Variants in SOX6 observed in about 807,000 individuals in gnomAD.
SOX6 encodes SRY-box transcription factor 6, also known as transcription factor SOX-6.
SOX6 carries 11 observed loss-of-function variants against 97.8 expected under a neutral mutation model. The ratio of observed to expected loss-of-function variants is 0.11; its 90% CI spans 0.07 to 0.19. The LOEUF is 0.19. Ranked by LOEUF, SOX6 falls within the 10% of genes least tolerant of loss-of-function variation. The probability of loss-of-function intolerance (pLI) is 1.00; values close to 1 mark genes in which losing one functional copy is unlikely to be tolerated. For synonymous variants in SOX6, 360 were observed against 371.4 expected, an observed-to-expected ratio of 0.97 and a Z score of 0.35; for missense variants, 810 against 1,039.5, an observed-to-expected ratio of 0.78 and a Z score of 3.04.
chr11:16,635,197 C>G (rs536632352), intron 3 of SOX6, among the ~76,000 whole-genome samples: 1 of 152,260 alleles, frequency 6.6e-6, no homozygotes, highest in African/African-American at 2.4e-5. Flanking sequence ...GGGTAACAGG[C>G]AGAGGTTAGA....
At chr11:16,321,546 C>T (rs1428530923) in intron 2 of SOX6, among the ~76,000 whole-genome samples, 1 of 152,004 alleles carries the variant, frequency 6.6e-6, no homozygotes, top group Non-Finnish European at 1.5e-5. Context: ...ACTTGTTGGA[C>T]TATGTTACTT....
intron 3 of SOX6, among the ~76,000 whole-genome samples, chr11:16,244,485 TTCTC>T (rs1455148145): frequency 1.3e-5 from 2 of 151,910 alleles, no homozygotes; most frequent in African/African-American, 2.4e-5. Flanking sequence ...ATTTTCTGGA[TTCTC>T]TCTATGAAAT....
chr11:16,538,710 G>T (rs1861352595), intron 4 of SOX6, among the ~76,000 whole-genome samples: 1 of 152,080 alleles, frequency 6.6e-6, no homozygotes, highest in African/African-American at 2.4e-5. Flanking sequence ...AACCAACAAA[G>T]ATCAAAAGAG....
At chr11:16,514,540 G>GT (rs894367792) in intron 4 of SOX6, among the ~76,000 whole-genome samples, 78 of 148,816 alleles carry the variant, frequency 5.2e-4, no homozygotes, top group Non-Finnish European at 8.4e-4. Flanking sequence ...TTGTGTCAGA[G>GT]TTTTTTTTTT....
chr11:16,327,715 A>G (rs889875391), intron 2 of SOX6, among the ~76,000 whole-genome samples: 5 of 152,134 alleles, frequency 3.3e-5, no homozygotes, highest in African/African-American at 1.2e-4. Context: ...AGAGGAGAAC[A>G]GTGGGCTGGG....
At chr11:16,074,977 G>T (rs1007854476) in intron 9 of SOX6, among the ~76,000 whole-genome samples, 2 of 152,062 alleles carry the variant, frequency 1.3e-5, no homozygotes, top group African/African-American at 2.4e-5. Context: ...ATACTACAAG[G>T]CTACAGTAAC....
rs1451899878 is a variant in SOX6 at position 16,132,505 on chromosome 11, A to AAAGAAAGAAAGCAAGCAAGCAAGCAAGC, written c.778-20583_778-20582insGCTTGCTTGCTTGCTTGCTTTCTTTCTT. Among the ~76,000 whole-genome samples, 24 of 86,212 alleles carry AAAGAAAGAAAGCAAGCAAGCAAGCAAGC rather than the reference A, an allele frequency of 2.8e-4. 2 individuals carry two copies. Among genetic ancestry groups the AAAGAAAGAAAGCAAGCAAGCAAGCAAGC allele is most frequent in the Non-Finnish European group, 3.6e-4 (14 of 38,488 alleles). 56.6% of individuals were successfully genotyped at this position (86,212 alleles called of 152,430 possible). A position where few individuals can be genotyped will look rare whatever the true frequency, so the allele number is the denominator to read the frequency against. Reference sequence around the variant, plus strand: ...GAAAGAAAGAAAGAAAGAAAGAAAGAAAGCTTATCTTTGTATCTAGGAAGA... The same window carrying AAAGAAAGAAAGCAAGCAAGCAAGCAAGC: ...GAAAGAAAGAAAGAAAGAAAGAAAGAAAGAAAGAAAGCAAGCAAGCAAGCAAGCAAGCTTATCTTTGTATCTAGGAAGA... On this transcript the variant is annotated intron_variant, in intron 6 of 15. Transcript: ENST00000683767.
chr11:16,147,500 A>G (rs1004043281), intron 6 of SOX6, among the ~76,000 whole-genome samples: 1 of 152,110 alleles, frequency 6.6e-6, no homozygotes, highest in Admixed American at 6.5e-5. Context: ...TTAAAGTATA[A>G]TAATAAAAAA....
intron 1 of SOX6, among the ~76,000 whole-genome samples, chr11:16,378,063 T>C (rs1857690908): frequency 6.6e-6 from 1 of 152,190 alleles, no homozygotes; most frequent in Non-Finnish European, 1.5e-5. Flanking sequence ...AAAATTTATA[T>C]GTTAAATATG....
chr11:16,733,125 G>A (rs1284761556), intron 2 of SOX6, among the ~76,000 whole-genome samples: 1 of 152,214 alleles, frequency 6.6e-6, no homozygotes, highest in Non-Finnish European at 1.5e-5. Flanking sequence ...TTACACTGTT[G>A]GTGAGAATGT....
At chr11:16,336,556 G>C in intron 2 of SOX6, among the ~76,000 whole-genome samples, 1 of 151,860 alleles carries the variant, frequency 6.6e-6, no homozygotes, top group East Asian at 1.9e-4. Flanking sequence ...TTTCCTAATC[G>C]GTGTCCCTGT....
chr11:16,283,044 T>A (rs1440338193), intron 3 of SOX6, among the ~76,000 whole-genome samples: 1 of 129,600 alleles, frequency 7.7e-6, no homozygotes, highest in Non-Finnish European at 1.7e-5. Flanking sequence ...TATATATATG[T>A]AAATTATATA....
intron 12 of SOX6, among the ~76,000 whole-genome samples, chr11:16,041,708 G>T: frequency 6.6e-6 from 1 of 152,220 alleles, no homozygotes; most frequent in East Asian, 1.9e-4. Context: ...AGGAACAAAA[G>T]CTCCCTAGCA....
In SOX6 at chr11:16,259,922, T is replaced by C. The variant is rs1310640200; in HGVS notation, c.446-25251A>G. Among the ~76,000 whole-genome samples the C allele has an allele frequency of 2.0e-5, 3 of 148,482 alleles. No individual in the cohort carries two copies. In the East Asian group the frequency reaches 5.9e-4, roughly 29 times the overall value. On this transcript the variant is annotated intron_variant, in intron 3 of 15. Coordinates refer to ENST00000683767, the MANE Select transcript of SOX6 (RefSeq NM_001367873.1). ...AAGATTGCATATTTTACCACACGCA[T>C]GTTATACTTCAATGTCCCAAATATG...
Position 16,021,335 on chromosome 11 carries a change from A to G in SOX6, c.1624-6285T>C, listed in dbSNP as rs138069741. On this transcript the variant is annotated intron_variant, in intron 12 of 15. Coordinates refer to ENST00000683767, the MANE Select transcript of SOX6 (RefSeq NM_001367873.1). ...TTCTTTAATTCCTTGTTCTAGACGT[A>G]TCTTGCCATGCTGTGATTCTCCAGA... Among the ~76,000 whole-genome samples, 367 of 152,298 alleles carry G rather than the reference A, an allele frequency of 2.4e-3. 1 individual carries two copies. The highest frequency in any genetic ancestry group is 7.9e-3 in the African/African-American group (327 of 41,580).
At chr11:15,975,225 T>C (rs900852019) in intron 15 of SOX6, among the ~76,000 whole-genome samples, 4 of 152,236 alleles carry the variant, frequency 2.6e-5, no homozygotes, top group African/African-American at 7.2e-5. Context: ...TTCCCTCTTA[T>C]TGAATCAAAT....
rs185114141 is a variant in SOX6 at position 16,555,080 on chromosome 11, G to A, written n.609+57001C>T. 8.0e-3 allele frequency among the ~76,000 whole-genome samples: 1,211 copies of A among 151,946 alleles called. 13 individuals carry two copies. Among genetic ancestry groups the A allele is most frequent in the African/African-American group, 0.028 (1,156 of 41,520 alleles). On this transcript the variant is annotated intron_variant and non_coding_transcript_variant, in intron 4 of 5. Transcript: ENST00000524520. ...TTTCACATAGAAATATCTAAAAATG[G>A]AAAACATCTCAATCTCAATCACATA...
intron 3 of SOX6, among the ~76,000 whole-genome samples, chr11:16,241,556 T>C (rs1161451951): frequency 1.3e-5 from 2 of 152,072 alleles, no homozygotes; most frequent in Non-Finnish European, 2.9e-5. Context: ...CTGTATCCAG[T>C]GTGTCCTATA....
chr11:16,232,615 T>C (rs1446531863), intron 4 of SOX6, among the ~76,000 whole-genome samples: 1 of 152,040 alleles, frequency 6.6e-6, no homozygotes, highest in Non-Finnish European at 1.5e-5. Flanking sequence ...GGAGAAAATA[T>C]ACCCTGAAGT....
Sources: allele counts gnomAD v4.1 joint callset (sites outside exome capture counted in the v4.1 genomes callset), GRCh38; gene constraint gnomAD v4.1.1; transcripts MANE v1.5; gene names NCBI Gene and HGNC (gene_info 2026-07-23, HGNC 2026-07-21).